SAXO1: variants seen among roughly 807,000 people sequenced by gnomAD.
The protein encoded by SAXO1 is stabilizer of axonemal microtubules 1, also known as 4930500O09Rik.
SAXO1 carries 21 observed loss-of-function variants against 17.5 expected under a neutral mutation model. The ratio of observed to expected loss-of-function variants is 1.20; its 90% confidence interval spans 0.85 to 1.72. The LOEUF (loss-of-function observed/expected upper bound fraction) is 1.72, where lower values mean the gene tolerates loss of function less well. Ranked by LOEUF, SAXO1 falls within the 40% of genes most tolerant of loss-of-function variation. SAXO1 has a pLI of 0.00. For missense variants in SAXO1, 843 were observed against 596.0 expected (o/e 1.41, Z -4.32); for synonymous variants, 274 against 216.5 (o/e 1.27, Z -2.33).
intron 1 of SAXO1, among the ~76,000 whole-genome samples, chr9:19,023,151 C>A (rs1418545027): frequency 1.6e-5 from 2 of 128,336 alleles, no homozygotes; most frequent in African/African-American, 2.9e-5. Flanking sequence ...CCCCCCCCAC[C>A]CCCCCGCCCC....
At chr9:19,032,009 G>A (rs560759271) in intron 1 of SAXO1, among the ~76,000 whole-genome samples, 1 of 152,228 alleles carries the variant, frequency 6.6e-6, no homozygotes, top group South Asian at 2.1e-4. Flanking sequence ...TCACATACAT[G>A]ATCTTAACTC....
intron 1 of SAXO1, among the ~76,000 whole-genome samples, chr9:18,968,870 A>C (rs1462028463): frequency 6.6e-6 from 1 of 152,218 alleles, no homozygotes; most frequent in Non-Finnish European, 1.5e-5. Context: ...CTAGGATTAC[A>C]GACATGAGCC....
upstream of SAXO1, among the ~76,000 whole-genome samples, chr9:19,035,807 A>T (rs112017543): frequency 0.11 from 16,092 of 152,216 alleles, 996 homozygotes; most frequent in Non-Finnish European, 0.14. Flanking sequence ...CTAGAGATCT[A>T]TGGAAGTTTG....
chr9:18,946,687 C>T (rs1831812289), intron 2 of SAXO1, among the ~76,000 whole-genome samples: 2 of 151,612 alleles, frequency 1.3e-5, no homozygotes, highest in African/African-American at 4.8e-5. Context: ...TCCAAGCAGA[C>T]CAGACATTGG....
chr9:18,966,156 T>A (rs1213725877), intron 1 of SAXO1, among the ~76,000 whole-genome samples: 2 of 152,232 alleles, frequency 1.3e-5, no homozygotes, highest in African/African-American at 4.8e-5. Flanking sequence ...CCAACCTTTC[T>A]CTCTGGATGC....
At chr9:18,940,606 T>C (rs1486964488) in intron 3 of SAXO1, among the ~76,000 whole-genome samples, 1 of 152,226 alleles carries the variant, frequency 6.6e-6, no homozygotes, top group African/African-American at 2.4e-5. Context: ...TCACAGCATT[T>C]AGAGGTCCGT....
chr9:19,003,608 G>A lies in SAXO1; in HGVS notation c.38+29263C>T, dbSNP rs200774896. On this transcript the variant is annotated intron_variant, in intron 1 of 3. Coordinates refer to ENST00000380534, the MANE Select transcript of SAXO1 (RefSeq NM_153707.4). ...AACACTACACATCTACAACCATCTG[G>A]TCTTTGACAAACCTGACAAAAATAA... Among the ~76,000 whole-genome samples, 460 of 152,154 alleles carry A rather than the reference G, an allele frequency of 3.0e-3. 8 individuals carry two copies. In the South Asian group the frequency reaches 0.044, roughly 15 times the overall value.
chr9:18,965,298 T>G (rs753374394), intron 1 of SAXO1, among the ~76,000 whole-genome samples: 2 of 152,238 alleles, frequency 1.3e-5, no homozygotes, highest in Non-Finnish European at 2.9e-5. Context: ...TGAGTTCAAG[T>G]CCTGAATATC....
At chr9:18,963,631 C>G (rs1387636027) in intron 1 of SAXO1, among the ~76,000 whole-genome samples, 6 of 152,090 alleles carry the variant, frequency 3.9e-5, no homozygotes, top group Non-Finnish European at 8.8e-5. Flanking sequence ...GTGGGTTTTG[C>G]ACATTGATTT....
intron 1 of SAXO1, among the ~76,000 whole-genome samples, chr9:18,952,132 G>T (rs1008696305): frequency 2.0e-5 from 3 of 152,156 alleles, no homozygotes; most frequent in African/African-American, 7.2e-5. Flanking sequence ...CTAAGTGAAG[G>T]CATTTTATCA....
At chr9:18,945,261 T>G (rs977646935) in intron 2 of SAXO1, among the ~76,000 whole-genome samples, 4 of 152,180 alleles carry the variant, frequency 2.6e-5, no homozygotes, top group African/African-American at 9.7e-5. Flanking sequence ...AAGCATCACC[T>G]TGTTTTCCAG....
intron 2 of SAXO1, among the ~76,000 whole-genome samples, chr9:18,945,811 G>T (rs1419184088): frequency 3.3e-5 from 5 of 152,142 alleles, no homozygotes; most frequent in African/African-American, 1.2e-4. Flanking sequence ...TAGATTCTGG[G>T]GAGAGCCAAC....
chr9:19,024,099 T>A (rs1835370054), intron 1 of SAXO1, among the ~76,000 whole-genome samples: 1 of 136,406 alleles, frequency 7.3e-6, no homozygotes, highest in Non-Finnish European at 1.5e-5. Context: ...CATCCATGGC[T>A]CTTTGCTGGC....
intron 1 of SAXO1, among the ~76,000 whole-genome samples, chr9:18,997,383 G>A (rs1403937106): frequency 6.6e-6 from 1 of 152,242 alleles, no homozygotes; most frequent in Non-Finnish European, 1.5e-5. Context: ...CTGGAGTGTG[G>A]TAAGAGGAGG....
At chr9:18,988,495 T>C (rs766652112) in intron 1 of SAXO1, among the ~76,000 whole-genome samples, 1 of 152,228 alleles carries the variant, frequency 6.6e-6, no homozygotes, top group South Asian at 2.1e-4. Context: ...TTAAGCTATA[T>C]GCACAAGGCT....
chr9:18,998,511 G>A (rs944162232), intron 1 of SAXO1, among the ~76,000 whole-genome samples: 1 of 152,128 alleles, frequency 6.6e-6, no homozygotes, highest in Non-Finnish European at 1.5e-5. Context: ...AAAGTGATGG[G>A]GAGAATGGAA....
At chr9:18,938,371 G>T (rs1346636091) in intron 3 of SAXO1, among the ~76,000 whole-genome samples, 1 of 152,120 alleles carries the variant, frequency 6.6e-6, no homozygotes, top group Non-Finnish European at 1.5e-5. Context: ...TTTCTGGGGA[G>T]GCCTCAGGGA....
At chr9:18,934,297 C>T (rs1449703795) in intron 3 of SAXO1, among the ~76,000 whole-genome samples, 1 of 147,794 alleles carries the variant, frequency 6.8e-6, no homozygotes, top group Non-Finnish European at 1.5e-5. Context: ...CCTTTTGGGG[C>T]CATGATTATG....
chr9:18,999,381 C>T (rs191400056), intron 1 of SAXO1, among the ~76,000 whole-genome samples: 34 of 152,262 alleles, frequency 2.2e-4, no homozygotes, highest in Admixed American at 1.8e-3. Flanking sequence ...GCCCCACCAT[C>T]GGTGAAGTGA....
Sources: allele counts gnomAD v4.1 joint callset (sites outside exome capture counted in the v4.1 genomes callset), GRCh38; gene constraint gnomAD v4.1.1; transcripts MANE v1.5; gene names NCBI Gene and HGNC (gene_info 2026-07-23, HGNC 2026-07-21).